The following LAMA3 variants were observed in gnomAD, a reference collection of about 807,000 sequenced individuals.
LAMA3 encodes laminin subunit alpha 3, also known as laminin subunit alpha-3.
Under a neutral mutation model 402.0 loss-of-function variants are expected in LAMA3, and 281 were observed. The observed-to-expected ratio is 0.70, with a 90% confidence interval of 0.63 to 0.77. The LOEUF (loss-of-function observed/expected upper bound fraction) is 0.77. Among genes scored for constraint, LAMA3 ranks in the 30% least tolerant of loss-of-function variants. LAMA3 has a pLI of 0.00. For missense variants in LAMA3, 3,840 were observed against 4,215.5 expected, an observed-to-expected ratio of 0.91 and a Z score of 2.47; for synonymous variants, 1,431 against 1,558.4, an observed-to-expected ratio of 0.92 and a Z score of 1.93.
chr18:23,810,396 A>G lies in LAMA3; in HGVS notation c.1634A>G (p.Gln545Arg). The G allele has an allele frequency of 6.2e-7, 1 of 1,614,150 alleles. No homozygotes were observed. Among genetic ancestry groups the G allele is most frequent in the South Asian group, 1.1e-5 (1 of 91,084 alleles). Reference sequence around the variant, plus strand: ...TGGTGTTCAGCCCTTGGATCCTACCAGATGCCCTGCAGCTCAGTGACTGGA... The same window carrying G: ...TGGTGTTCAGCCCTTGGATCCTACCGGATGCCCTGCAGCTCAGTGACTGGA... ...ACWCSALGSY[Q>R]MPCSSVTGQC... Residue 545 changes from glutamine (Q) to arginine (R), a missense_variant, in exon 13 of 75, where the codon CAG becomes CGG. Gln to Arg is a conservative substitution (Grantham distance 43, BLOSUM62 1). This residue lies in a region of LAMA3 where 2,109 missense variants were observed against 2,376.0 expected (regional missense o/e 0.89). Coordinates refer to ENST00000313654, the MANE Select transcript of LAMA3 (RefSeq NM_198129.4).
chr18:23,895,903 C>G (rs1268113053), intron 44 of LAMA3, among the ~76,000 whole-genome samples: 1 of 152,166 alleles, frequency 6.6e-6, no homozygotes, highest in Non-Finnish European at 1.5e-5. Flanking sequence ...CTAACGTAGG[C>G]ATATAATCCT....
chr18:23,851,719 G>C (rs1192149354), intron 32 of LAMA3, among the ~76,000 whole-genome samples: 1 of 152,176 alleles, frequency 6.6e-6, no homozygotes. Context: ...CTCCAGTCCT[G>C]ATCCTTGAGG....
At chr18:23,822,147 A>T (rs577583350) in intron 19 of LAMA3, 105 bp from the exon 20 acceptor site, 5 of 1,263,880 alleles carry the variant, frequency 4.0e-6, no homozygotes, top group Non-Finnish European at 5.7e-6. Flanking sequence ...ATGTGTGTAC[A>T]TTACAAGTCC....
chr18:23,828,560 G>T (rs371403742), intron 23 of LAMA3, among the ~76,000 whole-genome samples: 8 of 151,962 alleles, frequency 5.3e-5, no homozygotes, highest in Non-Finnish European at 7.4e-5. Flanking sequence ...GCACATACAC[G>T]TACATATACA....
intron 2 of LAMA3, among the ~76,000 whole-genome samples, chr18:23,718,866 A>G (rs1406020957): frequency 2.6e-5 from 4 of 152,214 alleles, no homozygotes; most frequent in African/African-American, 9.6e-5. Flanking sequence ...CTGTGTCTAG[A>G]GCAGCCTGCA....
chr18:23,912,862 T>C lies in LAMA3; in HGVS notation c.7310T>C (p.Met2437Thr), dbSNP rs150804730. 1.7e-4 allele frequency: 269 copies of C among 1,614,004 alleles called. No homozygotes were observed. The highest frequency in any genetic ancestry group is 2.2e-4 in the Admixed American group (13 of 60,030). The change falls in exon 56 of 75, where the codon ATG becomes ACG. Residue 2437 changes from methionine (M) to threonine (T), a missense_variant. Physicochemically the swap from Met to Thr is moderately conservative, Grantham distance 81. Coordinates refer to ENST00000313654, the MANE Select transcript of LAMA3 (RefSeq NM_198129.4). ...ENGGTENMFVMYLGNKDASRD... is the reference protein window; with the variant it reads ...ENGGTENMFVTYLGNKDASRD... ...GGGGGTACTGAGAATATGTTTGTGA[T>C]GTACCTTGGAAATAAAGATGTAAGT... is the stretch of plus-strand genomic sequence containing the variant.
intron 1 of LAMA3, among the ~76,000 whole-genome samples, chr18:23,712,379 CAAA>C (rs71163637): frequency 1.4e-4 from 14 of 103,664 alleles, no homozygotes; most frequent in Admixed American, 3.0e-4. Context: ...AACTCCGTCT[CAAA>C]AAAAAAAAAA....
chr18:23,827,726 G>T (rs889488940), intron 23 of LAMA3, among the ~76,000 whole-genome samples: 11 of 152,074 alleles, frequency 7.2e-5, no homozygotes, highest in Admixed American at 6.6e-4. Flanking sequence ...TTTCTTTTTG[G>T]TTATCTGGAC....
intron 39 of LAMA3, 121 bp downstream of exon 39, chr18:23,876,528 G>T (rs1347418522): frequency 2.9e-6 from 2 of 679,368 alleles, no homozygotes; most frequent in Middle Eastern, 2.4e-4. Flanking sequence ...AGGTCGCTGT[G>T]TAAATATATG....
intron 27 of LAMA3, among the ~76,000 whole-genome samples, chr18:23,840,963 T>C (rs751065349): frequency 6.6e-6 from 1 of 152,224 alleles, no homozygotes; most frequent in South Asian, 2.1e-4. Flanking sequence ...GCTCAAAAAG[T>C]TTCAGATTTT....
chr18:23,722,505 A>G (rs978318292), intron 2 of LAMA3, among the ~76,000 whole-genome samples: 2 of 152,218 alleles, frequency 1.3e-5, no homozygotes, highest in African/African-American at 4.8e-5. Flanking sequence ...TTATTATTCC[A>G]CTGAATTATA....
chr18:23,694,732 C>T (rs992515222), intron 1 of LAMA3, among the ~76,000 whole-genome samples: 2 of 152,182 alleles, frequency 1.3e-5, no homozygotes, highest in African/African-American at 2.4e-5. Context: ...CTAAACTTTG[C>T]GTTGCCTTGC....
At chr18:23,744,195 C>G (rs116203248) in intron 2 of LAMA3, among the ~76,000 whole-genome samples, 19 of 152,274 alleles carry the variant, frequency 1.2e-4, no homozygotes, top group African/African-American at 4.6e-4. Flanking sequence ...AGATTTGCTG[C>G]AGAGCTGGAG....
intron 72 of LAMA3, among the ~76,000 whole-genome samples, chr18:23,951,379 A>G (rs1012179713): frequency 3.9e-5 from 6 of 152,186 alleles, no homozygotes; most frequent in South Asian, 2.1e-4. Context: ...GAGGATTCCA[A>G]TCAGTAACCT....
intron 64 of LAMA3, among the ~76,000 whole-genome samples, chr18:23,930,160 G>GA (rs1393136191): frequency 6.6e-6 from 1 of 152,110 alleles, no homozygotes; most frequent in East Asian, 1.9e-4. Context: ...ATACTTGGTA[G>GA]AAAAAACACA....
intron 44 of LAMA3, among the ~76,000 whole-genome samples, chr18:23,896,946 A>G (rs754570413): frequency 1.3e-5 from 2 of 152,182 alleles, no homozygotes; most frequent in Non-Finnish European, 2.9e-5. Context: ...TTGTTAGCAG[A>G]GAAGTAATAA....
chr18:23,695,845 T>C (rs1239522691), intron 1 of LAMA3, among the ~76,000 whole-genome samples: 2 of 130,882 alleles, frequency 1.5e-5, no homozygotes, highest in African/African-American at 5.9e-5. Context: ...AAGAAATATG[T>C]GCACTTCTTT....
intron 8 of LAMA3, among the ~76,000 whole-genome samples, chr18:23,770,961 A>G (rs1475979434): frequency 6.6e-6 from 1 of 152,226 alleles, no homozygotes; most frequent in East Asian, 1.9e-4. Flanking sequence ...CCTATTCATC[A>G]TTGTTGATAA....
intron 49 of LAMA3, 25 bp from the exon 50 acceptor site, chr18:23,903,908 G>A: frequency 6.3e-7 from 1 of 1,582,942 alleles, no homozygotes; most frequent in Non-Finnish European, 8.7e-7. Context: ...AATTTATACT[G>A]TCTTTGTTTA....
Sources: allele counts gnomAD v4.1 joint callset (sites outside exome capture counted in the v4.1 genomes callset), GRCh38; gene constraint gnomAD v4.1.1; regional missense constraint gnomAD v4.1.1; transcripts MANE v1.5; gene names NCBI Gene and HGNC (gene_info 2026-07-23, HGNC 2026-07-21).